TMEM272: variants seen among roughly 807,000 people sequenced by gnomAD.
TMEM272 encodes long intergenic non-protein coding RNA 282.
Under a neutral mutation model 3.7 loss-of-function variants are expected in TMEM272, and 8 were observed. The ratio of observed to expected loss-of-function variants is 2.17; its 90% CI spans 1.27 to 3.91. The LOEUF is 3.91. TMEM272 is among the 30% of genes most tolerant of loss of function. TMEM272 has a pLI of 0.00. For missense variants in TMEM272, 166 were observed against 91.5 expected (o/e 1.81, Z -3.32); for synonymous variants, 63 against 39.8 (o/e 1.58, Z -2.20).
chr13:51,833,261 T>C (rs956476069), intron 2 of TMEM272, among the ~76,000 whole-genome samples: 76 of 152,160 alleles, frequency 5.0e-4, no homozygotes, highest in African/African-American at 1.8e-3. Flanking sequence ...GGAAACTAGA[T>C]AGTCAGAAGA....
At chr13:51,893,464 C>G in the TMEM272 span, among the ~76,000 whole-genome samples, 8 of 152,176 alleles carry the variant, frequency 5.3e-5, no homozygotes, top group South Asian at 1.7e-3. Context: ...TCACCAGGAC[C>G]TGCTGCTTCA....
At chr13:51,852,687 G>A in the TMEM272 span, among the ~76,000 whole-genome samples, 1 of 152,106 alleles carries the variant, frequency 6.6e-6, no homozygotes, top group Admixed American at 6.5e-5. Context: ...AGACCATCCT[G>A]GCCAACATGG....
At chr13:51,880,042 C>T in the TMEM272 span, among the ~76,000 whole-genome samples, 1 of 152,214 alleles carries the variant, frequency 6.6e-6, no homozygotes, top group Admixed American at 6.5e-5. Flanking sequence ...TTCCCTTTAA[C>T]ATGCCATGGG....
At chr13:51,847,485 T>C (rs1168308215), upstream of TMEM272, among the ~76,000 whole-genome samples, 5 of 152,200 alleles carry the variant, frequency 3.3e-5, no homozygotes, top group South Asian at 2.1e-4. Flanking sequence ...GCCAAAAAGA[T>C]TGGGGACCAC....
the TMEM272 span, among the ~76,000 whole-genome samples, chr13:51,927,388 C>T: frequency 6.6e-6 from 1 of 152,108 alleles, no homozygotes; most frequent in African/African-American, 2.4e-5. Flanking sequence ...GCTGGGTCAT[C>T]AGAAACAGCA....
the TMEM272 span, among the ~76,000 whole-genome samples, chr13:51,874,939 G>A: frequency 6.6e-6 from 1 of 152,226 alleles, no homozygotes; most frequent in Non-Finnish European, 1.5e-5. Context: ...TGCTAGGGGC[G>A]GTCACTGCAC....
intron 4 of TMEM272, among the ~76,000 whole-genome samples, chr13:51,820,755 G>A (rs1342397858): frequency 2.0e-5 from 3 of 152,192 alleles, no homozygotes; most frequent in Non-Finnish European, 4.4e-5. Context: ...AACACTGTGG[G>A]GGCCATGGGG....
At chr13:51,873,789 C>T in the TMEM272 span, among the ~76,000 whole-genome samples, 95 of 152,188 alleles carry the variant, frequency 6.2e-4, no homozygotes, top group Non-Finnish European at 1.2e-3. Context: ...CCTCTTCTAC[C>T]TGTACTTCCC....
Position 51,817,030 on chromosome 13 carries a change from T to C in TMEM272, c.285A>G (p.Glu95=), listed in dbSNP as rs1566331172. ...AVVIDDDDDD[E]YPWRQNAHRY... is the part of the protein sequence containing the mutation. ...TGTGCGCATTCTGCCTCCAGGGGTATTCGTCATCGTCATCGTCATCAATCA... is the reference window on the plus strand; with the variant it reads ...TGTGCGCATTCTGCCTCCAGGGGTACTCGTCATCGTCATCGTCATCAATCA... Residue 95 remains glutamate (E), a synonymous_variant, in exon 5 of 5, where the codon GAA becomes GAG. Transcript: ENST00000629372. The C allele has an allele frequency of 5.7e-6, 4 of 702,974 alleles. No homozygotes were observed. Among genetic ancestry groups the C allele is most frequent in the Non-Finnish European group, 1.0e-5 (4 of 384,976 alleles). The allele number at this position is 702,974 out of a possible 1,614,324, so 43.5% of individuals were successfully genotyped here.
At chr13:51,841,269 C>T (rs1956261324) in intron 1 of TMEM272, among the ~76,000 whole-genome samples, 2 of 152,188 alleles carry the variant, frequency 1.3e-5, no homozygotes, top group Admixed American at 6.5e-5. Flanking sequence ...CTTCCAGCCA[C>T]GAACCACAGC....
the TMEM272 span, among the ~76,000 whole-genome samples, chr13:51,876,768 G>C: frequency 6.6e-6 from 1 of 152,160 alleles, no homozygotes; most frequent in Non-Finnish European, 1.5e-5. Flanking sequence ...TTTTGCATGT[G>C]AACATGTATT....
At chr13:51,825,948 T>C (rs1956121298) in intron 3 of TMEM272, among the ~76,000 whole-genome samples, 2 of 151,996 alleles carry the variant, frequency 1.3e-5, no homozygotes, top group African/African-American at 2.4e-5. Context: ...CTAGGTCCTG[T>C]ACACAGGGCT....
intron 1 of TMEM272, among the ~76,000 whole-genome samples, chr13:51,841,445 C>T (rs1338181353): frequency 6.6e-6 from 1 of 152,206 alleles, no homozygotes; most frequent in Non-Finnish European, 1.5e-5. Context: ...TCTTCAAATC[C>T]ACAGCAGCTT....
At chr13:51,908,115 T>C in the TMEM272 span, 1 of 483,334 alleles carries the variant, frequency 2.1e-6, no homozygotes, top group Non-Finnish European at 3.9e-6. Flanking sequence ...TTCTATTGTT[T>C]CAATTTGAGC....
chr13:51,882,938 C>T, the TMEM272 span, among the ~76,000 whole-genome samples: 1 of 152,230 alleles, frequency 6.6e-6, no homozygotes, highest in Admixed American at 6.5e-5. Flanking sequence ...GCAGGCTGCA[C>T]TAGGCTGGTG....
the TMEM272 span, among the ~76,000 whole-genome samples, chr13:51,897,362 ATTTTTTTTTTTTTTT>A: frequency 6.9e-3 from 567 of 82,452 alleles, no homozygotes; most frequent in Non-Finnish European, 8.3e-3. Context: ...TGTCTGGCTA[ATTTTTTTTTTTTTTT>A]TTTTTTTTTT....
chr13:51,879,423 G>A, the TMEM272 span, among the ~76,000 whole-genome samples: 1 of 152,140 alleles, frequency 6.6e-6, no homozygotes, highest in Non-Finnish European at 1.5e-5. Flanking sequence ...GCTGTCTACT[G>A]CCACGACTCA....
chr13:51,844,256 A>G (rs931325890), intron 1 of TMEM272, among the ~76,000 whole-genome samples: 2 of 152,052 alleles, frequency 1.3e-5, no homozygotes, highest in African/African-American at 4.8e-5. Flanking sequence ...ATATATATAT[A>G]TGATTGTGTT....
chr13:51,887,802 T>C, the TMEM272 span, among the ~76,000 whole-genome samples: 1 of 152,328 alleles, frequency 6.6e-6, no homozygotes, highest in African/African-American at 2.4e-5. Context: ...TTCTGGAAGA[T>C]TTCAGGCCCA....
Sources: allele counts gnomAD v4.1 joint callset (sites outside exome capture counted in the v4.1 genomes callset), GRCh38; gene constraint gnomAD v4.1.1; transcripts MANE v1.5; gene names NCBI Gene and HGNC (gene_info 2026-07-23, HGNC 2026-07-21).